HBQ1: variants seen among roughly 807,000 people sequenced by gnomAD.
HBQ1 encodes the protein hemoglobin subunit theta 1.
Under a neutral mutation model 8.2 loss-of-function variants are expected in HBQ1, and 9 were observed. The observed-to-expected ratio is 1.10, with a 90% CI of 0.66 to 1.92. The LOEUF is 1.92. HBQ1 is among the 40% of genes most tolerant of loss of function. The probability of loss-of-function intolerance (pLI) is 0.00; values close to 1 mark genes in which losing one functional copy is unlikely to be tolerated. For synonymous variants in HBQ1, 102 were observed against 100.0 expected (o/e 1.02, Z -0.12); for missense variants, 216 against 189.3 (o/e 1.14, Z -0.83).
rs1163547451 is a variant in HBQ1, at chr16:180,800, T to A, written c.230T>A (p.Leu77Gln). Reference sequence around the variant, plus strand: ...CTCGCCGTGGAGCGCCTGGACGACCTACCCCACGCGCTGTCCGCGCTGAGC... The same window carrying A: ...CTCGCCGTGGAGCGCCTGGACGACCAACCCCACGCGCTGTCCGCGCTGAGC... Reference protein sequence around the residue: ...LSLAVERLDDLPHALSALSHL... With the variant: ...LSLAVERLDDQPHALSALSHL... Residue 77 changes from leucine (L) to glutamine (Q), a missense_variant, in exon 2 of 3, where the codon CTA becomes CAA. Leu to Gln is a moderately radical substitution (Grantham distance 113). Transcript: ENST00000199708. 1.9e-6 allele frequency: 3 copies of A among 1,560,458 alleles called. No individual in the cohort carries two copies. The highest frequency in any genetic ancestry group is 3.7e-5 in the Admixed American group (2 of 54,184).
In HBQ1 at chr16:181,058, G is replaced by A. The variant is rs1466813776; in HGVS notation, c.379G>A (p.Asp127Asn). The A allele has an allele frequency of 7.4e-6, 12 of 1,613,406 alleles. No homozygotes were observed. The highest frequency in any genetic ancestry group is 9.3e-6 in the Non-Finnish European group (11 of 1,179,906). The change falls in exon 3 of 3, where the codon GAC becomes AAC. Residue 127 changes from aspartate to asparagine, a missense_variant. Asp to Asn is a conservative substitution (Grantham distance 23). Transcript: ENST00000199708. ...CAGCCCCGCGCTGCAGGCGTCGCTG[G>A]ACAAGTTCCTGAGCCACGTTATCTC... ...DFSPALQASL[D>N]KFLSHVISAL... is the part of the protein sequence containing the mutation.
Position 180,601 on chromosome 16 carries a change from C to G in HBQ1, c.95+20C>G. ...GGAAAGGTGCGGCAGGCTGGGCGCC[C>G]CCGCCCCCAGGGGCCCTCCCTCCCC... On this transcript the variant is annotated intron_variant, in intron 1 of 2. Coordinates refer to ENST00000199708, the MANE Select transcript of HBQ1 (RefSeq NM_005331.5). 2 of 1,534,324 alleles carry G rather than the reference C, an allele frequency of 1.3e-6. No homozygotes were observed. Among genetic ancestry groups the G allele is most frequent in the Non-Finnish European group, 8.8e-7 (1 of 1,139,908 alleles).
At position 180,964 on chromosome 16, in the gene HBQ1, T is replaced by G. The variant is rs757593289; in HGVS notation, c.301-16T>G. 3.8e-6 allele frequency: 6 copies of G among 1,591,522 alleles called. No homozygotes were observed. The African/African-American group carries it at 4.0e-5, about 11-fold the overall frequency. On this transcript the variant is annotated splice_polypyrimidine_tract_variant and intron_variant, in intron 2 of 2. Transcript: ENST00000199708. ...GGGGCGGGTGCAGGCGAGTGAGCCT[T>G]GAGCGCTCGCCGCAGCTCCTGGGCC...
Position 181,056 on chromosome 16 carries a change from T to C in HBQ1, c.377T>C (p.Leu126Pro), listed in dbSNP as rs2048879714. Residue 126 changes from leucine to proline, a missense_variant, in exon 3 of 3, where the codon CTG becomes CCG. Coordinates refer to ENST00000199708, the MANE Select transcript of HBQ1 (RefSeq NM_005331.5). ...GDFSPALQAS[L>P]DKFLSHVISA... ...TTCAGCCCCGCGCTGCAGGCGTCGC[T>C]GGACAAGTTCCTGAGCCACGTTATC... The C allele has an allele frequency of 6.2e-7, 1 of 1,613,416 alleles. No homozygotes were observed. Among genetic ancestry groups the C allele is most frequent in the Non-Finnish European group, 8.5e-7 (1 of 1,179,910 alleles).
chr16:180,561 C>T lies in HBQ1; in HGVS notation c.75C>T (p.Tyr25=). 6.5e-7 allele frequency: 1 copy of T among 1,541,012 alleles called. No individual in the cohort carries two copies. The highest frequency in any genetic ancestry group is 8.7e-7 in the Non-Finnish European group (1 of 1,145,882). The change falls in exon 1 of 3, where the codon TAC becomes TAT. Residue 25 remains tyrosine, a synonymous_variant. Coordinates refer to ENST00000199708, the MANE Select transcript of HBQ1 (RefSeq NM_005331.5). The part of the protein sequence containing the change: ...WKKLGSNVGV[Y]TTEALERTFL... ...AGCTGGGCAGCAACGTCGGCGTCTA[C>T]ACGACAGAGGCCCTGGAAAGGTGCG... is the stretch of plus-strand genomic sequence containing the variant.
At position 180,824 on chromosome 16, in the gene HBQ1, GCCACCTGCACGCGTGC is replaced by G. The variant is rs1902248123; in HGVS notation, c.256_271del (p.His86SerfsTer18). 2 of 1,550,522 alleles carry G rather than the reference GCCACCTGCACGCGTGC, an allele frequency of 1.3e-6. No homozygotes were observed. The highest frequency in any genetic ancestry group is 1.7e-6 in the Non-Finnish European group (2 of 1,152,052). Reference sequence around the variant, plus strand: ...CTACCCCACGCGCTGTCCGCGCTGAGCCACCTGCACGCGTGCCAGCTGCGAGTGGACCCGGCCAGCT... The same window carrying G: ...CTACCCCACGCGCTGTCCGCGCTGAGCAGCTGCGAGTGGACCCGGCCAGCT... On this transcript the variant is annotated frameshift_variant, in exon 2 of 3. Coordinates refer to ENST00000199708, the MANE Select transcript of HBQ1 (RefSeq NM_005331.5). LOFTEE classifies it low-confidence loss of function (END_TRUNC).
rs753870983 is a variant in HBQ1 at position 180,711 on chromosome 16, G to C, written c.141G>C (p.Leu47=). ...FPATKTYFSH[L]DLSPGSSQVR... is the part of the protein sequence containing the mutation. ...CCACGAAGACCTACTTCTCCCACCTGGACCTGAGCCCCGGCTCCTCACAAG... is the reference window on the plus strand; with the variant it reads ...CCACGAAGACCTACTTCTCCCACCTCGACCTGAGCCCCGGCTCCTCACAAG... The change falls in exon 2 of 3, where the codon CTG becomes CTC. Residue 47 remains leucine (L), a synonymous_variant. Transcript: ENST00000199708. The C allele has an allele frequency of 6.3e-6, 10 of 1,596,944 alleles. No individual in the cohort carries two copies. Among genetic ancestry groups the C allele is most frequent in the Middle Eastern group, 3.3e-4 (2 of 6,068 alleles).
In HBQ1 at chr16:181,118, G is replaced by T. The variant is rs2048880166; in HGVS notation, c.*10G>T. ...TTCCGAGTACCGCTGAACTGTGGGTGGGTGGCCGCGGGATCCCCAGGCGAC... is the reference window on the plus strand; with the variant it reads ...TTCCGAGTACCGCTGAACTGTGGGTTGGTGGCCGCGGGATCCCCAGGCGAC... On this transcript the variant is annotated 3_prime_UTR_variant, in exon 3 of 3. Transcript: ENST00000199708. 6 of 1,612,146 alleles carry T rather than the reference G, an allele frequency of 3.7e-6. No individual in the cohort carries two copies. Among genetic ancestry groups the T allele is most frequent in the Middle Eastern group, 1.7e-4 (1 of 6,056 alleles).
intron 2 of HBQ1, 53 bp downstream of exon 2, chr16:180,923 G>GGTGCGGGGGGC: frequency 2.7e-6 from 4 of 1,504,864 alleles, no homozygotes; most frequent in African/African-American, 1.4e-5. Context: ...CGGCGGGGTG[G>GGTGCGGGGGGC]GTGCGGGGGG....
At chr16:180,628 A>C in intron 1 of HBQ1, 38 bp from the exon 2 acceptor site, 1 of 1,529,718 alleles carries the variant, frequency 6.5e-7, no homozygotes, top group Non-Finnish European at 8.8e-7. Flanking sequence ...TCCCTCCCCA[A>C]GCCCCCCGGA....
Position 180,777 on chromosome 16 carries a change from C to T in HBQ1, c.207C>T (p.Leu69=), listed in dbSNP as rs1244283814. Residue 69 remains leucine (L), a synonymous_variant, in exon 2 of 3, where the codon CTC becomes CTT. Coordinates refer to ENST00000199708, the MANE Select transcript of HBQ1 (RefSeq NM_005331.5). ...HGQKVADALS[L]AVERLDDLPH... ...AGAAGGTGGCGGACGCGCTGAGCCT[C>T]GCCGTGGAGCGCCTGGACGACCTAC... is the stretch of plus-strand genomic sequence containing the variant. 1.9e-6 allele frequency: 3 copies of T among 1,567,962 alleles called. No individual in the cohort carries two copies. Among genetic ancestry groups the T allele is most frequent in the South Asian group, 2.3e-5 (2 of 86,576 alleles).
rs563261796 is a variant in HBQ1 at position 180,666 on chromosome 16, G to C, written c.96G>C (p.Arg32Ser). 1.3e-6 allele frequency: 2 copies of C among 1,563,636 alleles called. No individual in the cohort carries two copies. Among genetic ancestry groups the C allele is most frequent in the South Asian group, 2.3e-5 (2 of 86,462 alleles). ...VGVYTTEALE[R>S]TFLAFPATKT... ...CGCCTCACCCACGTTCCTCTCGCAG[G>C]ACCTTCCTGGCTTTCCCCGCCACGA... Residue 32 changes from arginine to serine, a missense_variant and splice_region_variant, in exon 2 of 3, where the codon AGG becomes AGC. Physicochemically the swap from Arg to Ser is moderately radical, Grantham distance 110. Coordinates refer to ENST00000199708, the MANE Select transcript of HBQ1 (RefSeq NM_005331.5).
intron 1 of HBQ1, 37 bp from the exon 2 acceptor site, chr16:180,629 G>GC: frequency 4.2e-6 from 4 of 963,142 alleles, no homozygotes; most frequent in Non-Finnish European, 4.4e-6. Context: ...CCCTCCCCAA[G>GC]CCCCCCGGAC....
chr16:180,577 G>C lies in HBQ1; in HGVS notation c.91G>C (p.Glu31Gln). 6.5e-7 allele frequency: 1 copy of C among 1,541,382 alleles called. No individual in the cohort carries two copies. The highest frequency in any genetic ancestry group is 1.4e-5 in the African/African-American group (1 of 73,038). ...CGGCGTCTACACGACAGAGGCCCTG[G>C]AAAGGTGCGGCAGGCTGGGCGCCCC... The part of the protein sequence containing the change: ...NVGVYTTEAL[E>Q]RTFLAFPATK... The change falls in exon 1 of 3, where the codon GAA becomes CAA. Residue 31 changes from glutamate to glutamine, a missense_variant. Coordinates refer to ENST00000199708, the MANE Select transcript of HBQ1 (RefSeq NM_005331.5).
At position 180,890 on chromosome 16, in the gene HBQ1, G is replaced by A. The variant is rs1208793787; in HGVS notation, c.300+20G>A. The A allele has an allele frequency of 6.6e-7, 1 of 1,524,654 alleles. No individual in the cohort carries two copies. The highest frequency in any genetic ancestry group is 2.0e-5 in the Admixed American group (1 of 50,184). 94.4% of individuals were successfully genotyped at this position (1,524,654 alleles called of 1,614,324 possible). A position where few individuals can be genotyped will look rare whatever the true frequency, so the allele number is the denominator to read the frequency against. ...TTCCAGGTGAGCGGCTGCCGTGCTG[G>A]GCCCCTGTCCCCGGGAGGGCCCCGG... On this transcript the variant is annotated intron_variant, in intron 2 of 2. Transcript: ENST00000199708.
chr16:180,913 C>T (rs768644435), intron 2 of HBQ1, 43 bp downstream of exon 2: 5 of 1,509,064 alleles, frequency 3.3e-6, no homozygotes, highest in Middle Eastern at 2.1e-4. Flanking sequence ...GGGAGGGCCC[C>T]GGCGGGGTGG....
At chr16:180,898 TCCCCGGGAGGG>T in intron 2 of HBQ1, 28 bp downstream of exon 2, 1 of 1,515,740 alleles carries the variant, frequency 6.6e-7, no homozygotes, top group Admixed American at 2.1e-5. Flanking sequence ...TGGGCCCCTG[TCCCCGGGAGGG>T]CCCCGGCGGG....
chr16:180,922 G>A (rs1432600203), intron 2 of HBQ1, 52 bp downstream of exon 2: 1 of 1,503,686 alleles, frequency 6.7e-7, no homozygotes, highest in South Asian at 1.3e-5. Flanking sequence ...CCGGCGGGGT[G>A]GGTGCGGGGG....
rs1279660504 is a variant in HBQ1, at chr16:180,652, C to G, written c.96-14C>G. On this transcript the variant is annotated splice_polypyrimidine_tract_variant and intron_variant, in intron 1 of 2. Transcript: ENST00000199708. ...AAGCCCCCCGGACGCGCCTCACCCA[C>G]GTTCCTCTCGCAGGACCTTCCTGGC... 4.5e-6 allele frequency: 7 copies of G among 1,550,242 alleles called. No homozygotes were observed. The highest frequency in any genetic ancestry group is 6.1e-6 in the Non-Finnish European group (7 of 1,150,676).
Sources: gnomAD v4.1 joint callset for allele counts on GRCh38, gnomAD v4.1.1 for gene constraint, MANE v1.5 for transcripts, NCBI Gene and HGNC (gene_info 2026-07-23, HGNC 2026-07-21) for gene names.